PCDHA12: variants seen among roughly 807,000 people sequenced by gnomAD.
PCDHA12 encodes the protein protocadherin alpha-12.
Under a neutral mutation model 60.0 loss-of-function variants are expected in PCDHA12, and 44 were observed. The ratio of observed to expected loss-of-function variants is 0.73; its 90% confidence interval spans 0.58 to 0.94. The LOEUF is 0.94. Ranked by LOEUF, PCDHA12 falls within the 40% of genes least tolerant of loss-of-function variation. The probability of loss-of-function intolerance (pLI) is 0.00; values close to 1 mark genes in which losing one functional copy is unlikely to be tolerated. For synonymous variants in PCDHA12, 569 were observed against 553.0 expected, an observed-to-expected ratio of 1.03 and a Z score of -0.40; for missense variants, 1,276 against 1,239.7, an observed-to-expected ratio of 1.03 and a Z score of -0.44.
intron 1 of PCDHA12, among the ~76,000 whole-genome samples, chr5:140,975,638 C>T (rs1256768090): frequency 6.6e-6 from 1 of 152,130 alleles, no homozygotes; most frequent in Non-Finnish European, 1.5e-5. Context: ...ACGAAGATAG[C>T]ATATTATTTC....
At chr5:140,918,897 C>A (rs1381764249) in intron 1 of PCDHA12, among the ~76,000 whole-genome samples, 1 of 152,196 alleles carries the variant, frequency 6.6e-6, no homozygotes, top group Admixed American at 6.5e-5. Context: ...AAAAATAAAT[C>A]TCTCTTGTTT....
intron 1 of PCDHA12, among the ~76,000 whole-genome samples, chr5:140,905,080 C>G (rs2071583789): frequency 6.6e-6 from 1 of 152,128 alleles, no homozygotes; most frequent in Non-Finnish European, 1.5e-5. Flanking sequence ...GTTGCACTTT[C>G]TTTTGGGTTC....
intron 1 of PCDHA12, among the ~76,000 whole-genome samples, chr5:140,937,417 A>T (rs1226073587): frequency 5.3e-5 from 8 of 152,154 alleles, no homozygotes; most frequent in African/African-American, 1.9e-4. Context: ...CTTTTATTAG[A>T]TAGCTGATAT....
chr5:141,003,856 ATG>A (rs1554259354), intron 3 of PCDHA12, among the ~76,000 whole-genome samples: 1 of 152,144 alleles, frequency 6.6e-6, no homozygotes, highest in Non-Finnish European at 1.5e-5. Flanking sequence ...CCAGATTTAT[ATG>A]TGTCTGAAAT....
intron 1 of PCDHA12, among the ~76,000 whole-genome samples, chr5:140,890,624 T>C (rs1487627842): frequency 6.6e-6 from 1 of 152,202 alleles, no homozygotes; most frequent in Non-Finnish European, 1.5e-5. Context: ...CCTAGAAAAT[T>C]AAGCATGTAT....
chr5:140,878,802 A>T (rs2057733011), intron 1 of PCDHA12, among the ~76,000 whole-genome samples: 1 of 152,224 alleles, frequency 6.6e-6, no homozygotes, highest in Non-Finnish European at 1.5e-5. Context: ...TTTTAAAAAC[A>T]TATGGGGGTC....
At chr5:140,983,379 C>T (rs1169260784) in intron 3 of PCDHA12, among the ~76,000 whole-genome samples, 1 of 152,162 alleles carries the variant, frequency 6.6e-6, no homozygotes, top group Non-Finnish European at 1.5e-5. Context: ...AGGCCCATCG[C>T]TGTGGCAGTT....
intron 1 of PCDHA12, among the ~76,000 whole-genome samples, chr5:140,909,749 C>T (rs141984152): frequency 6.6e-6 from 1 of 152,114 alleles, no homozygotes; most frequent in African/African-American, 2.4e-5. Context: ...GGGGAAATGA[C>T]CACAGGATGA....
At position 140,877,127 on chromosome 5, in the gene PCDHA12, A is replaced by G. The variant is rs2056869003; in HGVS notation, c.1655A>G (p.Gln552Arg). The change falls in exon 1 of 4, where the codon CAG (glutamine) becomes CGG (arginine). Residue 552 changes from glutamine (Q) to arginine (R), a missense_variant. Coordinates refer to ENST00000398631, the MANE Select transcript of PCDHA12 (RefSeq NM_018903.4). ...CCTCTGGGCAGCAACGTGACGCTGC[A>G]GGTGTTCGTGCTGGACGAGAACGAC... ...VPPLGSNVTL[Q>R]VFVLDENDNA... 1 of 1,613,602 alleles carries G rather than the reference A, an allele frequency of 6.2e-7. No homozygotes were observed. The highest frequency in any genetic ancestry group is 1.3e-5 in the African/African-American group (1 of 74,926).
intron 1 of PCDHA12, among the ~76,000 whole-genome samples, chr5:140,974,980 G>A (rs149148015): frequency 2.4e-4 from 36 of 152,208 alleles, no homozygotes; most frequent in Non-Finnish European, 5.0e-4. Context: ...TGAGTTGTCC[G>A]CTCAGGTATT....
intron 1 of PCDHA12, among the ~76,000 whole-genome samples, chr5:140,977,142 T>C (rs781987643): frequency 6.6e-6 from 1 of 152,236 alleles, no homozygotes; most frequent in Non-Finnish European, 1.5e-5. Context: ...TCAGTCCTGC[T>C]GGAACTGTGC....
intron 1 of PCDHA12, among the ~76,000 whole-genome samples, chr5:140,913,644 A>T (rs889499847): frequency 3.9e-5 from 6 of 151,920 alleles, no homozygotes; most frequent in Non-Finnish European, 8.8e-5. Flanking sequence ...CTGCTTTTCT[A>T]GTTCTTTAAG....
intron 1 of PCDHA12, chr5:140,929,943 A>C (rs996777609): frequency 1.3e-5 from 2 of 152,224 alleles, no homozygotes; most frequent in African/African-American, 4.8e-5. Flanking sequence ...TCTCTAGCCT[A>C]TACTTTTAAT....
chr5:140,884,217 T>A (rs782181432), intron 1 of PCDHA12: 4 of 1,613,448 alleles, frequency 2.5e-6, no homozygotes, highest in Non-Finnish European at 3.4e-6. Flanking sequence ...CTTCTGGTGC[T>A]GGTGAAGGAC....
chr5:140,884,054 G>C (rs1313975286), intron 1 of PCDHA12: 8 of 1,613,390 alleles, frequency 5.0e-6, no homozygotes, highest in Non-Finnish European at 4.2e-6. Context: ...GAAGGTGCGC[G>C]CGGTGGACGC....
At chr5:140,942,541 G>T (rs1241528363) in intron 1 of PCDHA12, among the ~76,000 whole-genome samples, 1 of 152,056 alleles carries the variant, frequency 6.6e-6, no homozygotes, top group Non-Finnish European at 1.5e-5. Context: ...CAGTATGGTG[G>T]GGGGTAGGGG....
At chr5:140,968,287 C>G (rs7712041) in intron 1 of PCDHA12, 1 of 1,613,902 alleles carries the variant, frequency 6.2e-7, no homozygotes, top group South Asian at 1.1e-5. Context: ...TGACCTACTC[C>G]CTTCTGGAGA....
At chr5:140,976,888 A>C (rs1050816491) in intron 1 of PCDHA12, among the ~76,000 whole-genome samples, 1 of 152,218 alleles carries the variant, frequency 6.6e-6, no homozygotes, top group Non-Finnish European at 1.5e-5. Context: ...ATTAGGATAC[A>C]TGCAACAGTA....
At chr5:140,927,657 T>A (rs1161396429) in intron 1 of PCDHA12, 6 of 1,614,050 alleles carry the variant, frequency 3.7e-6, no homozygotes, top group Non-Finnish European at 5.1e-6. Flanking sequence ...TATTCCGAGT[T>A]CAAGCCTTGG....
Sources: allele counts gnomAD v4.1 joint callset (sites outside exome capture counted in the v4.1 genomes callset), GRCh38; gene constraint gnomAD v4.1.1; transcripts MANE v1.5; gene names NCBI Gene and HGNC (gene_info 2026-07-23, HGNC 2026-07-21).